The following ADAD1 variants were observed in gnomAD, a reference collection of about 807,000 sequenced individuals.
The protein encoded by ADAD1 is adenosine deaminase domain containing 1, also known as adenosine deaminase domain-containing protein 1.
ADAD1 carries 46 observed loss-of-function variants against 66.8 expected under a neutral mutation model. The observed-to-expected ratio is 0.69, with a 90% CI of 0.54 to 0.88. The LOEUF (loss-of-function observed/expected upper bound fraction) is 0.88. Ranked by LOEUF, ADAD1 falls within the 40% of genes least tolerant of loss-of-function variation. The pLI, the probability that ADAD1 is intolerant of heterozygous loss-of-function variation, is 0.00. For synonymous variants in ADAD1, 248 were observed against 229.4 expected (o/e 1.08, Z -0.73); for missense variants, 617 against 681.8 (o/e 0.91, Z 1.06).
chr4:122,411,990 T>C (rs1338920220), intron 9 of ADAD1, among the ~76,000 whole-genome samples: 1 of 152,154 alleles, frequency 6.6e-6, no homozygotes. Context: ...TATTATTGCT[T>C]TGATGAATGA....
At chr4:122,382,728 A>C (rs1365245647) in intron 4 of ADAD1, among the ~76,000 whole-genome samples, 1 of 152,196 alleles carries the variant, frequency 6.6e-6, no homozygotes, top group African/African-American at 2.4e-5. Context: ...CAAGATGTGT[A>C]ATATACATAA....
At chr4:122,380,279 T>G in intron 3 of ADAD1, 38 bp downstream of exon 3, 1 of 1,577,870 alleles carries the variant, frequency 6.3e-7, no homozygotes, top group Non-Finnish European at 8.6e-7. Flanking sequence ...AGTCAGTTCT[T>G]TAAGATTCTA....
chr4:122,417,014 A>G (rs1796767986), intron 11 of ADAD1, among the ~76,000 whole-genome samples: 1 of 152,142 alleles, frequency 6.6e-6, no homozygotes, highest in South Asian at 2.1e-4. Flanking sequence ...TTTTACGGCC[A>G]AATACTTGCC....
At chr4:122,388,932 C>T (rs1263510324) in intron 5 of ADAD1, among the ~76,000 whole-genome samples, 1 of 152,090 alleles carries the variant, frequency 6.6e-6, no homozygotes, top group Non-Finnish European at 1.5e-5. Flanking sequence ...TTTACTCTTG[C>T]CTCCGAAGCT....
chr4:122,381,435 G>T (rs79623755), intron 4 of ADAD1, among the ~76,000 whole-genome samples: 86 of 152,228 alleles, frequency 5.6e-4, no homozygotes, highest in Non-Finnish European at 1.1e-3. Flanking sequence ...TAGTCTCATG[G>T]ACTATTTTGG....
chr4:122,381,508 A>G (rs1794898386), intron 4 of ADAD1, among the ~76,000 whole-genome samples: 1 of 152,216 alleles, frequency 6.6e-6, no homozygotes, highest in Non-Finnish European at 1.5e-5. Flanking sequence ...TTGGACTATG[A>G]TTATTTTATG....
chr4:122,403,086 T>A (rs2150566746), intron 7 of ADAD1, among the ~76,000 whole-genome samples: 1 of 152,320 alleles, frequency 6.6e-6, no homozygotes, highest in African/African-American at 2.4e-5. Context: ...TTACCAGATT[T>A]ACTTTTCTGG....
In ADAD1 at chr4:122,415,730, TATTATC is replaced by T. The variant is rs374205844; in HGVS notation, c.1487+119_1487+124del. The T allele has an allele frequency of 5.3e-4, 492 of 933,090 alleles. 2 individuals are homozygous for T. In the African/African-American group the frequency reaches 7.2e-3, roughly 14 times the overall value. 57.8% of individuals were successfully genotyped at this position (933,090 alleles called of 1,614,324 possible). A position where few individuals can be genotyped will look rare whatever the true frequency, so the allele number is the denominator to read the frequency against. ...TATTTATTGAACTCTGAACAATAAT[TATTATC>T]ATTAGTCAAGTGTGACTATGTTACA... On this transcript the variant is annotated intron_variant, in intron 11 of 12. Coordinates refer to ENST00000296513, the MANE Select transcript of ADAD1 (RefSeq NM_139243.4).
At chr4:122,411,150 T>C (rs1796447037) in intron 8 of ADAD1, 72 bp from the exon 9 acceptor site, 3 of 1,224,340 alleles carry the variant, frequency 2.5e-6, no homozygotes, top group Non-Finnish European at 3.3e-6. Context: ...CTGACACATG[T>C]GGACATGATG....
chr4:122,425,328 G>A (rs1797182231), intron 12 of ADAD1, among the ~76,000 whole-genome samples: 1 of 152,002 alleles, frequency 6.6e-6, no homozygotes, highest in African/African-American at 2.4e-5. Context: ...TTAAAATCAT[G>A]CCAAGTTGTT....
At chr4:122,404,492 A>G (rs1560591681) in intron 7 of ADAD1, among the ~76,000 whole-genome samples, 1 of 152,270 alleles carries the variant, frequency 6.6e-6, no homozygotes, top group African/African-American at 2.4e-5. Context: ...GTTCAGAGGT[A>G]GGCTTTTCCC....
chr4:122,416,168 T>C (rs1177043614), intron 11 of ADAD1, among the ~76,000 whole-genome samples: 1 of 152,192 alleles, frequency 6.6e-6, no homozygotes, highest in East Asian at 1.9e-4. Context: ...AGGTTAAATA[T>C]CTTGCCTAAG....
chr4:122,416,034 T>C (rs1380753139), intron 11 of ADAD1, among the ~76,000 whole-genome samples: 1 of 152,216 alleles, frequency 6.6e-6, no homozygotes, highest in Non-Finnish European at 1.5e-5. Flanking sequence ...TTTATGCTCT[T>C]CCAAATATTA....
chr4:122,425,718 GTATA>G lies in ADAD1; in HGVS notation c.1618-3906_1618-3903del, dbSNP rs551782095. ...ATAAATAATCTAGGGATGATTTAAA[GTATA>G]TGAGAGAATGTACCTAGGTTATATG... On this transcript the variant is annotated intron_variant, in intron 12 of 12. Transcript: ENST00000296513. Among the ~76,000 whole-genome samples, 458 of 151,948 alleles carry G rather than the reference GTATA, an allele frequency of 3.0e-3. 2 individuals carry two copies. Among genetic ancestry groups the G allele is most frequent in the African/African-American group, 0.011 (445 of 41,480 alleles).
chr4:122,387,884 C>T (rs1795251119), intron 5 of ADAD1, among the ~76,000 whole-genome samples: 4 of 151,760 alleles, frequency 2.6e-5, no homozygotes, highest in Admixed American at 1.3e-4. Flanking sequence ...CTGAGCCTCC[C>T]GAGTAGCTGG....
At chr4:122,391,505 C>T (rs1300556341) in intron 5 of ADAD1, among the ~76,000 whole-genome samples, 2 of 152,198 alleles carry the variant, frequency 1.3e-5, no homozygotes, top group African/African-American at 4.8e-5. Context: ...GGCCACCCCT[C>T]CCACTTAGGG....
At chr4:122,403,666 A>C (rs1319897997) in intron 7 of ADAD1, among the ~76,000 whole-genome samples, 1 of 152,074 alleles carries the variant, frequency 6.6e-6, no homozygotes, top group Non-Finnish European at 1.5e-5. Context: ...CTGTCGTAGG[A>C]GAATGGGGGG....
chr4:122,383,824 C>G lies in ADAD1; in HGVS notation c.387C>G (p.Ala129=). Residue 129 remains alanine (A), a synonymous_variant, in exon 5 of 13, where the codon GCC becomes GCG. Transcript: ENST00000296513. ...TTGNVMGPYF[A]FCAVVDGIQY... is the part of the protein sequence containing the mutation. ...GTAATGTTATGGGACCATATTTTGCCTTTTGTGCTGTGGTGGATGGTATTC... is the reference window on the plus strand; with the variant it reads ...GTAATGTTATGGGACCATATTTTGCGTTTTGTGCTGTGGTGGATGGTATTC... 2 of 1,606,682 alleles carry G rather than the reference C, an allele frequency of 1.2e-6. No individual in the cohort carries two copies. The highest frequency in any genetic ancestry group is 4.5e-5 in the East Asian group (2 of 44,782).
At chr4:122,394,341 C>A (rs992222881) in intron 6 of ADAD1, among the ~76,000 whole-genome samples, 1 of 152,086 alleles carries the variant, frequency 6.6e-6, no homozygotes, top group Non-Finnish European at 1.5e-5. Context: ...GAAAGCTAGA[C>A]AATTATTCTT....
Sources: allele counts gnomAD v4.1 joint callset (sites outside exome capture counted in the v4.1 genomes callset), GRCh38; gene constraint gnomAD v4.1.1; transcripts MANE v1.5; gene names NCBI Gene and HGNC (gene_info 2026-07-23, HGNC 2026-07-21).